Variants in SEC61A2 observed in about 807,000 individuals in gnomAD.
The protein encoded by SEC61A2 is SEC61 translocon subunit alpha 2, also known as protein transport protein Sec61 subunit alpha isoform 2.
A neutral mutation model predicts 59.9 loss-of-function variants in SEC61A2; 28 were observed. The ratio of observed to expected loss-of-function variants is 0.47; its 90% CI spans 0.35 to 0.64. SEC61A2 has a LOEUF of 0.64. SEC61A2 is among the 30% of genes least tolerant of loss of function. The pLI, the probability that SEC61A2 is intolerant of heterozygous loss-of-function variation, is 0.01. For missense variants in SEC61A2, 340 were observed against 585.9 expected, an observed-to-expected ratio of 0.58 and a Z score of 4.33; for synonymous variants, 202 against 214.4, an observed-to-expected ratio of 0.94 and a Z score of 0.50.
Position 12,153,679 on chromosome 10 carries a change from T to A in SEC61A2, c.463-2099T>A. The A allele has an allele frequency of 6.3e-7, 1 of 1,578,008 alleles. No homozygotes were observed. On this transcript the variant is annotated intron_variant, in intron 6 of 11. Coordinates refer to ENST00000298428, the MANE Select transcript of SEC61A2 (RefSeq NM_018144.4). This position sits in a 1 kb window ranked among gnomAD's most constrained non-coding sequence, Gnocchi z 5.2. ...GGCTAATTCTTCTAATGTTAATATA[T>A]AAAGAGGGGTGTCATGTTTGATTGT...
intron 3 of SEC61A2, among the ~76,000 whole-genome samples, chr10:12,137,190 C>T (rs1201617754): frequency 6.6e-6 from 1 of 152,006 alleles, no homozygotes; most frequent in Non-Finnish European, 1.5e-5. Context: ...GCAGGTGTGC[C>T]CCACCATGTC....
chr10:12,134,145 T>A (rs1455471139), intron 2 of SEC61A2, among the ~76,000 whole-genome samples: 1 of 152,222 alleles, frequency 6.6e-6, no homozygotes, highest in Admixed American at 6.5e-5. Context: ...TAGCTGGGAC[T>A]ACAGGCGCCC....
chr10:12,137,938 G>A (rs1248573134), intron 3 of SEC61A2, among the ~76,000 whole-genome samples: 1 of 152,084 alleles, frequency 6.6e-6, no homozygotes, highest in Non-Finnish European at 1.5e-5. Flanking sequence ...CCCAGGTGGT[G>A]GAGGTTGCAG....
Position 12,133,657 on chromosome 10 carries a change from A to G in SEC61A2, c.75+349A>G, listed in dbSNP as rs147350706. Among the ~76,000 whole-genome samples, 1,032 of 152,344 alleles carry G rather than the reference A, an allele frequency of 6.8e-3. 5 individuals carry two copies. Among genetic ancestry groups the G allele is most frequent in the Non-Finnish European group, 0.011 (744 of 68,030 alleles). On this transcript the variant is annotated intron_variant, in intron 2 of 11. Transcript: ENST00000298428. ...ATTGTGTTTGCTAATGATGTCACCT[A>G]CTGGACTAGAAATAACCCAGTCTGC...
chr10:12,151,665 TTAA>T (rs1295918841), intron 6 of SEC61A2, among the ~76,000 whole-genome samples: 1 of 152,156 alleles, frequency 6.6e-6, no homozygotes, highest in African/African-American at 2.4e-5. Context: ...AAAATATTTT[TTAA>T]TAATCTCAAA....
At position 12,142,364 on chromosome 10, in the gene SEC61A2, A is replaced by AC. The variant is rs1284710747; in HGVS notation, c.142-749dup. ...AATGTCTTGGGTGGGGGCTAAAATC[A>AC]CCCCTAGTTTAGAACTGCTATTTTA... On this transcript the variant is annotated intron_variant, in intron 3 of 11. Transcript: ENST00000298428. The surrounding 1 kb of genome is among the most constrained non-coding windows in gnomAD (Gnocchi z 5.4). 1 of 248,534 alleles carries AC rather than the reference A, an allele frequency of 4.0e-6. No homozygotes were observed. Among genetic ancestry groups the AC allele is most frequent in the East Asian group, 1.8e-4 (1 of 5,554 alleles). 15.4% of individuals were successfully genotyped at this position (248,534 alleles called of 1,614,324 possible). A position where few individuals can be genotyped will look rare whatever the true frequency, so the allele number is the denominator to read the frequency against.
chr10:12,164,216 C>G lies in SEC61A2; in HGVS notation c.1245-52C>G. ...CTCGACCTGTCTTCGTCTCTAGCTG[C>G]CGTGCTGTTCCTGGTCTCTGCTGCC... On this transcript the variant is annotated intron_variant, in intron 11 of 11. Transcript: ENST00000298428. This position sits in a 1 kb window ranked among gnomAD's most constrained non-coding sequence, Gnocchi z 7.3. 1 of 1,598,128 alleles carries G rather than the reference C, an allele frequency of 6.3e-7. No homozygotes were observed. The highest frequency in any genetic ancestry group is 8.5e-7 in the Non-Finnish European group (1 of 1,173,910).
chr10:12,167,879 G>A (rs1278168890), downstream of SEC61A2: 3 of 1,598,108 alleles, frequency 1.9e-6, no homozygotes, highest in East Asian at 4.5e-5. Flanking sequence ...TATTCAATCA[G>A]TGTTTGCGCA....
In SEC61A2 at chr10:12,149,726, C is replaced by T. The variant is rs748656777; in HGVS notation, c.352C>T (p.Leu118=). The T allele has an allele frequency of 9.9e-6, 16 of 1,609,700 alleles. No individual in the cohort carries two copies. The highest frequency in any genetic ancestry group is 3.3e-5 in the South Asian group (3 of 90,230). ...DRALFNGAQK[L]FGMIITIGQA... ...AGCTTTATTCAATGGAGCCCAGAAA[C>T]GTGAGCATTAATGCAATTAAAGAGC... is the stretch of plus-strand genomic sequence containing the variant. Residue 118 remains leucine, a splice_region_variant and synonymous_variant, in exon 5 of 12, where the codon CTG becomes TTG. Coordinates refer to ENST00000298428, the MANE Select transcript of SEC61A2 (RefSeq NM_018144.4). This position sits in a 1 kb window ranked among gnomAD's most constrained non-coding sequence, Gnocchi z 5.2.
At position 12,155,771 on chromosome 10, in the gene SEC61A2, C is replaced by T. The variant is rs1834383885; in HGVS notation, c.463-7C>T. Reference sequence around the variant, plus strand: ...GCTTCCGCTTACTTGCATTTCTTTCCCCACAGTTGTTTGTTGCTGGTTTGA... The same window carrying T: ...GCTTCCGCTTACTTGCATTTCTTTCTCCACAGTTGTTTGTTGCTGGTTTGA... On this transcript the variant is annotated splice_region_variant and splice_polypyrimidine_tract_variant and intron_variant, in intron 6 of 11. Transcript: ENST00000298428. The surrounding 1 kb of genome is among the most constrained non-coding windows in gnomAD (Gnocchi z 4.3). 1 of 1,613,910 alleles carries T rather than the reference C, an allele frequency of 6.2e-7. No homozygotes were observed.
intron 1 of SEC61A2, 71 bp from the exon 2 acceptor site, chr10:12,133,170 G>A: frequency 2.6e-6 from 2 of 773,296 alleles, no homozygotes; most frequent in Non-Finnish European, 4.2e-6. Flanking sequence ...CTTTGTATTT[G>A]ATTTTCTAGA....
chr10:12,156,292 CTGT>C lies in SEC61A2; in HGVS notation c.616+366_616+368del, dbSNP rs1320157083. On this transcript the variant is annotated intron_variant, in intron 7 of 11. Transcript: ENST00000298428. The surrounding 1 kb of genome is among the most constrained non-coding windows in gnomAD (Gnocchi z 5.2). ...ATTTTAGATTTTTCAAATGAAAAGA[CTGT>C]TGTTCATTGAATCCACCTGGAGCAC... is the stretch of plus-strand genomic sequence containing the variant. Among the ~76,000 whole-genome samples, 3 of 152,184 alleles carry C rather than the reference CTGT, an allele frequency of 2.0e-5. No homozygotes were observed. Among genetic ancestry groups the C allele is most frequent in the African/African-American group, 4.8e-5 (2 of 41,446 alleles).
At chr10:12,144,245 A>C (rs984719252) in intron 4 of SEC61A2, among the ~76,000 whole-genome samples, 4 of 152,204 alleles carry the variant, frequency 2.6e-5, no homozygotes, top group Non-Finnish European at 5.9e-5. Context: ...CTGAAAAGAA[A>C]AGTGTCACTT....
At position 12,164,308 on chromosome 10, in the gene SEC61A2, G is replaced by GT; in HGVS notation, c.1285_1286insT (p.Gly429ValfsTer8). On this transcript the variant is annotated frameshift_variant, in exon 12 of 12. Transcript: ENST00000298428. LOFTEE classifies it high-confidence loss of function. The surrounding 1 kb of genome is among the most constrained non-coding windows in gnomAD (Gnocchi z 7.3). ...AGCTGCGTTTGGCGGTTTGTGCATTGGCGCCCTGTCAGTGCTGGCTGACTT... is the reference window on the plus strand; with the variant it reads ...AGCTGCGTTTGGCGGTTTGTGCATTGTGCGCCCTGTCAGTGCTGGCTGACTT... 3 of 1,613,778 alleles carry GT rather than the reference G, an allele frequency of 1.9e-6. No individual in the cohort carries two copies. The highest frequency in any genetic ancestry group is 2.5e-6 in the Non-Finnish European group (3 of 1,180,024).
At position 12,145,804 on chromosome 10, in the gene SEC61A2, G is replaced by A. The variant is rs1834124928; in HGVS notation, c.220+2609G>A. On this transcript the variant is annotated intron_variant, in intron 4 of 11. Coordinates refer to ENST00000298428, the MANE Select transcript of SEC61A2 (RefSeq NM_018144.4). The surrounding 1 kb of genome is among the most constrained non-coding windows in gnomAD (Gnocchi z 4.4). ...AGAAAAAACATTGTTTTAAATAAAG[G>A]AGAAAAATTAAGGAATAGGAAATCA... Among the ~76,000 whole-genome samples, 2 of 152,128 alleles carry A rather than the reference G, an allele frequency of 1.3e-5. No homozygotes were observed. Among genetic ancestry groups the A allele is most frequent in the Admixed American group, 6.6e-5 (1 of 15,262 alleles).
In SEC61A2 at chr10:12,152,982, T is replaced by C. The variant is rs1834313638; in HGVS notation, c.463-2796T>C. Among the ~76,000 whole-genome samples, 1 of 148,442 alleles carries C rather than the reference T, an allele frequency of 6.7e-6. No homozygotes were observed. Among genetic ancestry groups the C allele is most frequent in the Non-Finnish European group, 1.5e-5 (1 of 67,416 alleles). The stretch of plus-strand genomic sequence containing the variant: ...GCTGAGGCAGGAGAATCGCTTGAAC[T>C]CTGGAGTCGGAGTTTGCAGTGAGCC... On this transcript the variant is annotated intron_variant, in intron 6 of 11. Transcript: ENST00000298428. The surrounding 1 kb of genome is among the most constrained non-coding windows in gnomAD (Gnocchi z 5.5).
rs140008411 is a variant in SEC61A2, at chr10:12,151,918, C to T, written c.462+1957C>T. The stretch of plus-strand genomic sequence containing the variant: ...CTCCCAAAGTGCTGGGATTACAGAG[C>T]ATTCTGTTTTTTAAATTAGAAATGT... On this transcript the variant is annotated intron_variant, in intron 6 of 11. Transcript: ENST00000298428. Among the ~76,000 whole-genome samples, 8 of 152,006 alleles carry T rather than the reference C, an allele frequency of 5.3e-5. No homozygotes were observed. The South Asian group carries it at 1.7e-3, about 32-fold the overall frequency.
chr10:12,132,520 A>T (rs546140150), intron 1 of SEC61A2, among the ~76,000 whole-genome samples: 22 of 152,030 alleles, frequency 1.4e-4, no homozygotes, highest in African/African-American at 5.1e-4. Context: ...AGGCTGAGGC[A>T]GGAGAATCAC....
chr10:12,164,192 TCGAC>T lies in SEC61A2; in HGVS notation c.1245-74_1245-71del. 6.5e-7 allele frequency: 1 copy of T among 1,545,108 alleles called. No individual in the cohort carries two copies. The highest frequency in any genetic ancestry group is 2.3e-4 in the Middle Eastern group (1 of 4,286). The stretch of plus-strand genomic sequence containing the variant: ...TAGACCCAGCTATGGCTGCTGCGCC[TCGAC>T]CTGTCTTCGTCTCTAGCTGCCGTGC... On this transcript the variant is annotated intron_variant, in intron 11 of 11. Transcript: ENST00000298428. This position sits in a 1 kb window ranked among gnomAD's most constrained non-coding sequence, Gnocchi z 7.3.
Sources: allele counts gnomAD v4.1 joint callset (sites outside exome capture counted in the v4.1 genomes callset), GRCh38; gene constraint gnomAD v4.1.1; non-coding constraint Gnocchi (gnomAD v3.1); transcripts MANE v1.5; gene names NCBI Gene and HGNC (gene_info 2026-07-23, HGNC 2026-07-21).